Variants in PSD3 observed in about 807,000 individuals in gnomAD.
PSD3 encodes the protein PH and SEC7 domain-containing protein 3.
In PSD3, 49 loss-of-function variants were observed where a neutral mutation model predicts 105.5. That is an observed-to-expected ratio of 0.46 (90% CI 0.37 to 0.59). PSD3 has a LOEUF of 0.59. PSD3 is among the 20% of genes least tolerant of loss of function. The probability of loss-of-function intolerance (pLI) is 0.00; values close to 1 mark genes in which losing one functional copy is unlikely to be tolerated. For synonymous variants in PSD3, 557 were observed against 457.8 expected (o/e 1.22, Z -2.77); for missense variants, 1,561 against 1,263.8 (o/e 1.24, Z -3.57).
intron 4 of PSD3, among the ~76,000 whole-genome samples, chr8:18,837,096 C>A (rs892017340): frequency 6.6e-6 from 1 of 152,030 alleles, no homozygotes; most frequent in African/African-American, 2.4e-5. Flanking sequence ...GAGTGAGGAG[C>A]TATGGTCAGA....
chr8:18,574,053 G>C (rs568232183), intron 13 of PSD3, among the ~76,000 whole-genome samples: 26 of 152,234 alleles, frequency 1.7e-4, no homozygotes, highest in African/African-American at 5.8e-4. Context: ...GAAAGCCCAA[G>C]ATTCACAGCA....
rs544619728 is a variant in PSD3 at position 18,844,068 on chromosome 8, C to A, written c.1634+23606G>T. On this transcript the variant is annotated intron_variant, in intron 4 of 15. Transcript: ENST00000327040. ...AGTTCTGGTCCCACAAGACAGATGT[C>A]CAGCAGCTGGCTCTATGGGGTTCCA... Among the ~76,000 whole-genome samples the A allele has an allele frequency of 8.7e-4, 132 of 152,172 alleles. 2 individuals are homozygous for A. Among genetic ancestry groups the A allele is most frequent in the African/African-American group, 3.0e-3 (123 of 41,514 alleles).
intron 1 of PSD3, among the ~76,000 whole-genome samples, chr8:19,061,945 CTT>C (rs1213482019): frequency 6.6e-6 from 1 of 152,194 alleles, no homozygotes. Flanking sequence ...TTCCCAACAA[CTT>C]TCCCTCCCCA....
chr8:18,624,358 T>A (rs1351974582), intron 11 of PSD3, among the ~76,000 whole-genome samples: 1 of 152,102 alleles, frequency 6.6e-6, no homozygotes, highest in Non-Finnish European at 1.5e-5. Flanking sequence ...TAAGGTTGAA[T>A]ATGTCTTCAT....
Position 18,655,645 on chromosome 8 carries a change from G to C in PSD3, c.2213C>G (p.Ala738Gly). ...GGCTGACGTCCAGCACACTTACACT[G>C]CCCATTCAAGCTTCTCATTCTTGAT... is the stretch of plus-strand genomic sequence containing the variant. ...NSIKNEKLEW[A>G]VDDEEKKKSP... The change falls in exon 10 of 16, where the codon GCA becomes GGA. Residue 738 changes from alanine to glycine, a missense_variant. Transcript: ENST00000327040. 6.2e-7 allele frequency: 1 copy of C among 1,613,622 alleles called. No homozygotes were observed. The highest frequency in any genetic ancestry group is 8.5e-7 in the Non-Finnish European group (1 of 1,179,598).
intron 1 of PSD3, among the ~76,000 whole-genome samples, chr8:19,000,413 GA>G (rs1265875627): frequency 2.1e-5 from 3 of 143,638 alleles, no homozygotes; most frequent in South Asian, 2.3e-4. Flanking sequence ...AAAAAAGAGA[GA>G]GAAAAAAAAC....
intron 4 of PSD3, among the ~76,000 whole-genome samples, chr8:18,828,569 G>A (rs1438902814): frequency 6.6e-6 from 1 of 152,148 alleles, no homozygotes; most frequent in African/African-American, 2.4e-5. Flanking sequence ...GGGAGGCCAA[G>A]GCAGGCAGAC....
intron 12 of PSD3, among the ~76,000 whole-genome samples, chr8:18,585,924 C>T (rs921582313): frequency 5.9e-5 from 9 of 152,002 alleles, no homozygotes; most frequent in African/African-American, 9.7e-5. Flanking sequence ...TATGACTCTT[C>T]GTAACTCTTC....
At chr8:18,904,330 G>A (rs1406294865) in intron 2 of PSD3, among the ~76,000 whole-genome samples, 1 of 152,194 alleles carries the variant, frequency 6.6e-6, no homozygotes, top group East Asian at 1.9e-4. Context: ...CACTGCCAGT[G>A]TGCACTCTGA....
chr8:19,041,747 C>T (rs1031790032), intron 1 of PSD3, among the ~76,000 whole-genome samples: 9 of 152,346 alleles, frequency 5.9e-5, no homozygotes, highest in East Asian at 5.8e-4. Flanking sequence ...TTCTGAACAA[C>T]AAGCATTCCT....
chr8:18,531,749 T>C lies in PSD3; in HGVS notation c.*3994A>G, dbSNP rs1389386896. On this transcript the variant is annotated 3_prime_UTR_variant, in exon 16 of 16. Coordinates refer to ENST00000327040, the MANE Select transcript of PSD3 (RefSeq NM_015310.4). ...CCAACTTGGACAATTCCTCATAAACTAGACTTCAGGTTTAACAACTCTTAG... is the reference window on the plus strand; with the variant it reads ...CCAACTTGGACAATTCCTCATAAACCAGACTTCAGGTTTAACAACTCTTAG... 6.6e-6 allele frequency: 1 copy of C among 152,244 alleles called. No homozygotes were observed. The highest frequency in any genetic ancestry group is 1.9e-4 in the East Asian group (1 of 5,200). 9.4% of individuals were successfully genotyped at this position (152,244 alleles called of 1,614,324 possible). A position where few individuals can be genotyped will look rare whatever the true frequency, so the allele number is the denominator to read the frequency against.
chr8:18,899,386 G>C (rs149672071), intron 2 of PSD3, among the ~76,000 whole-genome samples: 2 of 152,094 alleles, frequency 1.3e-5, no homozygotes, highest in African/African-American at 4.8e-5. Flanking sequence ...TCTCCAGCAA[G>C]AACTTATTGT....
rs1211298436 is a variant in PSD3, at chr8:18,805,514, A to C, written c.1635-616T>G. Among the ~76,000 whole-genome samples the C allele has an allele frequency of 2.0e-5, 3 of 152,200 alleles. No homozygotes were observed. The East Asian group carries it at 5.8e-4, about 29-fold the overall frequency. ...ATTGTGGATATTCTTTTTTGATACA[A>C]CACCAAAGTGAGACAAGTGGTAGTT... On this transcript the variant is annotated intron_variant, in intron 4 of 15. Coordinates refer to ENST00000327040, the MANE Select transcript of PSD3 (RefSeq NM_015310.4).
chr8:18,732,538 C>A (rs1227063891), intron 9 of PSD3, among the ~76,000 whole-genome samples: 1 of 152,196 alleles, frequency 6.6e-6, no homozygotes, highest in Non-Finnish European at 1.5e-5. Flanking sequence ...TGCCCCAGTC[C>A]AATGTATGAG....
At chr8:19,068,019 C>T (rs1268767310) in intron 1 of PSD3, among the ~76,000 whole-genome samples, 1 of 152,124 alleles carries the variant, frequency 6.6e-6, no homozygotes, top group Non-Finnish European at 1.5e-5. Flanking sequence ...AGTGATTTTC[C>T]ACAAGCCTGA....
At position 18,861,276 on chromosome 8, in the gene PSD3, G is replaced by T. The variant is rs575448248; in HGVS notation, c.1634+6398C>A. Among the ~76,000 whole-genome samples, 3 of 152,204 alleles carry T rather than the reference G, an allele frequency of 2.0e-5. No homozygotes were observed. The South Asian group carries it at 6.2e-4, about 32-fold the overall frequency. Reference sequence around the variant, plus strand: ...GAGCTTCCAGGAAACTGACCTTACAGGGCACATTTTCTACAGAGATGGCAT... The same window carrying T: ...GAGCTTCCAGGAAACTGACCTTACATGGCACATTTTCTACAGAGATGGCAT... On this transcript the variant is annotated intron_variant, in intron 4 of 15. Coordinates refer to ENST00000327040, the MANE Select transcript of PSD3 (RefSeq NM_015310.4).
At chr8:18,546,221 T>C (rs895635223) in intron 15 of PSD3, among the ~76,000 whole-genome samples, 12 of 152,168 alleles carry the variant, frequency 7.9e-5, no homozygotes, top group African/African-American at 2.9e-4. Flanking sequence ...GGTCTCGAAC[T>C]CTTGACCTGA....
intron 1 of PSD3, among the ~76,000 whole-genome samples, chr8:19,060,193 T>A (rs971550473): frequency 1.3e-5 from 2 of 152,196 alleles, no homozygotes; most frequent in African/African-American, 4.8e-5. Context: ...TTTTGGAATT[T>A]AAGGATTATG....
At chr8:18,754,764 T>TA (rs1805883293) in intron 9 of PSD3, among the ~76,000 whole-genome samples, 1 of 152,174 alleles carries the variant, frequency 6.6e-6, no homozygotes, top group Admixed American at 6.5e-5. Context: ...TTAGTCATTT[T>TA]AAAAAAAGAT....
Sources: allele counts gnomAD v4.1 joint callset (sites outside exome capture counted in the v4.1 genomes callset), GRCh38; gene constraint gnomAD v4.1.1; transcripts MANE v1.5; gene names NCBI Gene and HGNC (gene_info 2026-07-23, HGNC 2026-07-21).